The following NIPBL variants were observed in gnomAD, a reference collection of about 807,000 sequenced individuals.
The protein encoded by NIPBL is nipped-B-like protein.
In NIPBL, 19 loss-of-function variants were observed where a neutral mutation model predicts 321.8. That is an observed-to-expected ratio of 0.06 (90% confidence interval 0.04 to 0.09). The LOEUF is 0.09. Among genes scored for constraint, NIPBL ranks in the 10% least tolerant of loss-of-function variants. The probability of loss-of-function intolerance (pLI) is 1.00; values close to 1 mark genes in which losing one functional copy is unlikely to be tolerated. For synonymous variants in NIPBL, 1,106 were observed against 1,114.1 expected, an observed-to-expected ratio of 0.99 and a Z score of 0.14; for missense variants, 2,210 against 3,327.0, an observed-to-expected ratio of 0.66 and a Z score of 8.26.
At chr5:36,883,648 C>T (rs950636188) in intron 1 of NIPBL, among the ~76,000 whole-genome samples, 1 of 151,820 alleles carries the variant, frequency 6.6e-6, no homozygotes, top group East Asian at 1.9e-4. Context: ...GCAAAAATGT[C>T]CTTTAATCCT....
chr5:36,963,907 A>G (rs1741912443), intron 6 of NIPBL, among the ~76,000 whole-genome samples: 2 of 152,216 alleles, frequency 1.3e-5, no homozygotes, highest in Non-Finnish European at 2.9e-5. Flanking sequence ...CAAGTACACA[A>G]AAGTCTGAGG....
At chr5:36,939,852 G>A (rs537567986) in intron 1 of NIPBL, among the ~76,000 whole-genome samples, 3 of 152,276 alleles carry the variant, frequency 2.0e-5, no homozygotes, top group Non-Finnish European at 4.4e-5. Context: ...ATCCATTTAT[G>A]AGGGCAGAGT....
intron 32 of NIPBL, among the ~76,000 whole-genome samples, chr5:37,032,789 T>G (rs1210186524): frequency 6.6e-6 from 1 of 152,054 alleles, no homozygotes; most frequent in African/African-American, 2.4e-5. Flanking sequence ...ACCAAAAATG[T>G]TTTTAATGGT....
At chr5:36,903,176 TG>T (rs1009152323) in intron 1 of NIPBL, among the ~76,000 whole-genome samples, 2 of 152,184 alleles carry the variant, frequency 1.3e-5, no homozygotes, top group African/African-American at 4.8e-5. Context: ...ATAGAGACTG[TG>T]GGGTTTTCTA....
chr5:37,026,350 T>TG, intron 31 of NIPBL, 23 bp downstream of exon 31: 1 of 1,390,592 alleles, frequency 7.2e-7, no homozygotes, highest in Non-Finnish European at 1.0e-6. Flanking sequence ...GGAACAAGGG[T>TG]GTGGTCACTG....
At chr5:36,982,765 GC>G (rs2149639464) in intron 9 of NIPBL, among the ~76,000 whole-genome samples, 1 of 151,796 alleles carries the variant, frequency 6.6e-6, no homozygotes, top group African/African-American at 2.4e-5. Flanking sequence ...TTAAAAATCA[GC>G]CCTCTAAGCT....
chr5:36,899,991 C>T (rs567096183), intron 1 of NIPBL, among the ~76,000 whole-genome samples: 13 of 152,168 alleles, frequency 8.5e-5, no homozygotes, highest in Non-Finnish European at 1.2e-4. Context: ...AAAAAGTCTT[C>T]GCTAAAGCCT....
intron 8 of NIPBL, among the ~76,000 whole-genome samples, chr5:36,974,007 A>G (rs1743174438): frequency 6.6e-6 from 1 of 152,180 alleles, no homozygotes; most frequent in Admixed American, 6.5e-5. Context: ...TGTAAATTGT[A>G]TGAATTTTCA....
intron 40 of NIPBL, 160 bp from the exon 41 acceptor site, chr5:37,051,617 CAA>C (rs1753553725): frequency 1.6e-6 from 1 of 621,834 alleles, no homozygotes; most frequent in African/African-American, 1.9e-5. Context: ...AGCTGAATCT[CAA>C]AAGATCTGTC....
intron 1 of NIPBL, among the ~76,000 whole-genome samples, chr5:36,902,805 C>G (rs774412098): frequency 6.6e-6 from 1 of 151,936 alleles, no homozygotes; most frequent in Non-Finnish European, 1.5e-5. Flanking sequence ...TCTGTGAAAA[C>G]TGTCACTGGT....
intron 21 of NIPBL, among the ~76,000 whole-genome samples, chr5:37,014,350 CAT>C (rs766616510): frequency 9.2e-5 from 14 of 151,910 alleles, no homozygotes; most frequent in Non-Finnish European, 2.1e-4. Context: ...TTGAGGTTGA[CAT>C]ATTTTTTCTA....
chr5:37,046,340 G>A, intron 38 of NIPBL, 141 bp downstream of exon 38: 1 of 606,904 alleles, frequency 1.6e-6, no homozygotes. Flanking sequence ...TAGGTCTGAG[G>A]ATTAAAACAA....
At chr5:36,904,419 A>G (rs1415916539) in intron 1 of NIPBL, among the ~76,000 whole-genome samples, 2 of 152,246 alleles carry the variant, frequency 1.3e-5, no homozygotes, top group East Asian at 3.8e-4. Flanking sequence ...CAGTGAGTCA[A>G]GATTGTGCCA....
rs762930515 is a variant in NIPBL at position 37,051,787 on chromosome 5, A to T, written c.6963A>T (p.Pro2321=). The change falls in exon 41 of 47, where the codon CCA becomes CCT. Residue 2321 remains proline (P), a synonymous_variant. Transcript: ENST00000282516. ...TTTTTTTTTATTTCCAGTGTGTGCC[A>T]TATTTAATTGCTATGGGCACAGACC... ...QGLIHPVQCV[P]YLIAMGTDPE... The T allele has an allele frequency of 1.2e-6, 2 of 1,611,396 alleles. No individual in the cohort carries two copies. The highest frequency in any genetic ancestry group is 2.2e-5 in the South Asian group (2 of 91,006).
At chr5:36,957,395 A>T (rs1195803365) in intron 3 of NIPBL, among the ~76,000 whole-genome samples, 2 of 152,150 alleles carry the variant, frequency 1.3e-5, no homozygotes, top group Non-Finnish European at 2.9e-5. Context: ...AGAAAGTCAG[A>T]CTCACTCATA....
chr5:36,990,025 C>G (rs1745314318), intron 10 of NIPBL, among the ~76,000 whole-genome samples: 1 of 151,878 alleles, frequency 6.6e-6, no homozygotes, highest in Non-Finnish European at 1.5e-5. Flanking sequence ...CTCTCTCCCC[C>G]TACTTCTTTC....
intron 20 of NIPBL, among the ~76,000 whole-genome samples, chr5:37,009,479 A>G (rs1035148635): frequency 3.3e-5 from 5 of 152,194 alleles, no homozygotes; most frequent in Admixed American, 1.3e-4. Flanking sequence ...TTTCTTCTCT[A>G]AAATAATTAT....
chr5:36,956,232 GA>G (rs946973493), intron 3 of NIPBL, among the ~76,000 whole-genome samples: 7 of 148,798 alleles, frequency 4.7e-5, no homozygotes, highest in South Asian at 2.1e-4. Context: ...TCCGTCTGGG[GA>G]AAAAAAAAAT....
Position 36,986,308 on chromosome 5 carries a change from A to G in NIPBL, c.3121+7A>G. On this transcript the variant is annotated splice_region_variant and intron_variant, in intron 10 of 46. Transcript: ENST00000282516. ...CCATCAAAGTCAAATAAAGGTAAGA[A>G]TACTTCTACTGATGTCATTTATAAT... 1.4e-6 allele frequency: 2 copies of G among 1,476,192 alleles called. No individual in the cohort carries two copies. Among genetic ancestry groups the G allele is most frequent in the Non-Finnish European group, 1.8e-6 (2 of 1,110,194 alleles). 91.4% of individuals were successfully genotyped at this position (1,476,192 alleles called of 1,614,324 possible). A position where few individuals can be genotyped will look rare whatever the true frequency, so the allele number is the denominator to read the frequency against.
Sources: allele counts gnomAD v4.1 joint callset (sites outside exome capture counted in the v4.1 genomes callset), GRCh38; gene constraint gnomAD v4.1.1; transcripts MANE v1.5; gene names NCBI Gene and HGNC (gene_info 2026-07-23, HGNC 2026-07-21).